GPBP1: variants seen among roughly 807,000 people sequenced by gnomAD.
GPBP1 encodes the protein GC-rich promoter binding protein 1.
Under a neutral mutation model 56.5 loss-of-function variants are expected in GPBP1, and 13 were observed. The observed-to-expected ratio is 0.23, with a 90% CI of 0.15 to 0.37. The LOEUF is 0.37. GPBP1 is among the 10% of genes least tolerant of loss of function. GPBP1 has a pLI of 1.00. For missense variants in GPBP1, 477 were observed against 572.3 expected (o/e 0.83, Z 1.70); for synonymous variants, 204 against 188.9 (o/e 1.08, Z -0.66).
At chr5:57,179,871 A>G (rs1335476377) in intron 2 of GPBP1, among the ~76,000 whole-genome samples, 1 of 152,128 alleles carries the variant, frequency 6.6e-6, no homozygotes, top group Non-Finnish European at 1.5e-5. Flanking sequence ...TGCTGGGATT[A>G]TGGGTGAGAG....
intron 5 of GPBP1, among the ~76,000 whole-genome samples, chr5:57,234,649 C>T (rs1354521084): frequency 1.3e-5 from 2 of 152,184 alleles, no homozygotes; most frequent in Non-Finnish European, 2.9e-5. Flanking sequence ...AGAAGTTTCT[C>T]CAGCTAAAGT....
chr5:57,241,517 A>G (rs994309701), intron 6 of GPBP1, among the ~76,000 whole-genome samples: 2 of 152,130 alleles, frequency 1.3e-5, no homozygotes, highest in Non-Finnish European at 2.9e-5. Flanking sequence ...GTTGAAGCCA[A>G]GAGTTTGAGA....
intron 6 of GPBP1, chr5:57,237,295 A>G: frequency 1.4e-6 from 1 of 738,774 alleles, no homozygotes; most frequent in South Asian, 1.6e-5. Flanking sequence ...GATTAGAATG[A>G]AAGTTTTAAA....
chr5:57,178,914 C>T (rs1348339452), intron 2 of GPBP1, among the ~76,000 whole-genome samples: 2 of 152,114 alleles, frequency 1.3e-5, no homozygotes, highest in Non-Finnish European at 2.9e-5. Context: ...ATCATAGTGG[C>T]TAACATTTAT....
At chr5:57,229,859 C>A (rs2111846558) in intron 3 of GPBP1, among the ~76,000 whole-genome samples, 1 of 151,280 alleles carries the variant, frequency 6.6e-6, no homozygotes, top group East Asian at 2.0e-4. Flanking sequence ...ATTTATTGAT[C>A]ATTTTCATGC....
In GPBP1 at chr5:57,219,424, A is replaced by AG. The variant is rs1561348528; in HGVS notation, c.63+5231_63+5232insG. On this transcript the variant is annotated intron_variant, in intron 3 of 11. Coordinates refer to ENST00000506184, the MANE Select transcript of GPBP1 (RefSeq NM_022913.4). ...AAAAACCAAAAACAAACAAACAAAA[A>AG]AAAAAACAACAAAACCACACACACA... 1.4e-5 allele frequency among the ~76,000 whole-genome samples: 2 copies of AG among 142,592 alleles called. 1 individual carries two copies. Among genetic ancestry groups the AG allele is most frequent in the African/African-American group, 5.8e-5 (2 of 34,714 alleles). The allele number at this position is 142,592 out of a possible 152,430, so 93.5% of individuals were successfully genotyped here.
intron 3 of GPBP1, among the ~76,000 whole-genome samples, chr5:57,226,924 A>T (rs753971771): frequency 7.2e-5 from 11 of 151,986 alleles, no homozygotes; most frequent in Non-Finnish European, 1.2e-4. Flanking sequence ...TATTTTTAGT[A>T]GAGACGGGGT....
chr5:57,232,075 G>A (rs1756484691), intron 5 of GPBP1, among the ~76,000 whole-genome samples: 1 of 152,122 alleles, frequency 6.6e-6, no homozygotes, highest in Admixed American at 6.5e-5. Context: ...CTAGGCTGGA[G>A]TTCATAGCTC....
chr5:57,264,104 A>G lies in GPBP1; in HGVS notation c.*1352A>G, dbSNP rs1023498616. The G allele has an allele frequency of 2.0e-4, 31 of 152,056 alleles. No homozygotes were observed. Among genetic ancestry groups the G allele is most frequent in the African/African-American group, 7.0e-4 (29 of 41,408 alleles). The allele number at this position is 152,056 out of a possible 1,614,324, so 9.4% of individuals were successfully genotyped here. The stretch of plus-strand genomic sequence containing the variant: ...CTGGACTCCCCAGTTTTCACCAGAA[A>G]CTGTTATTTTTTTTTGTTGTTGTTC... On this transcript the variant is annotated 3_prime_UTR_variant, in exon 12 of 12. Coordinates refer to ENST00000506184, the MANE Select transcript of GPBP1 (RefSeq NM_022913.4).
At chr5:57,221,854 C>T (rs150623160) in intron 3 of GPBP1, among the ~76,000 whole-genome samples, 2 of 152,224 alleles carry the variant, frequency 1.3e-5, no homozygotes, top group Non-Finnish European at 2.9e-5. Context: ...GACTGCTAGT[C>T]GAGTTCATTG....
At chr5:57,201,706 G>A (rs1170428571) in intron 2 of GPBP1, among the ~76,000 whole-genome samples, 1 of 152,180 alleles carries the variant, frequency 6.6e-6, no homozygotes, top group Admixed American at 6.5e-5. Flanking sequence ...CATGGATATT[G>A]TAGTGCAATG....
intron 3 of GPBP1, among the ~76,000 whole-genome samples, chr5:57,223,777 AATT>A (rs1325625352): frequency 5.4e-5 from 8 of 149,112 alleles, no homozygotes; most frequent in Non-Finnish European, 1.0e-4. Flanking sequence ...TATATTTTAA[AATT>A]ATATATATAA....
chr5:57,186,389 A>AG (rs141185160), intron 2 of GPBP1, among the ~76,000 whole-genome samples: 3 of 56,778 alleles, frequency 5.3e-5, no homozygotes, highest in South Asian at 5.4e-4. Context: ...TTGCCTCTTT[A>AG]AAAAAAAAAA....
At chr5:57,179,628 G>A (rs934233438) in intron 2 of GPBP1, among the ~76,000 whole-genome samples, 29 of 151,844 alleles carry the variant, frequency 1.9e-4, no homozygotes, top group Non-Finnish European at 2.9e-5. Flanking sequence ...ACAGAGTTTC[G>A]CAGTTGTTGC....
intron 6 of GPBP1, among the ~76,000 whole-genome samples, chr5:57,243,355 G>A (rs1368121875): frequency 1.3e-5 from 2 of 151,964 alleles, no homozygotes; most frequent in Non-Finnish European, 2.9e-5. Context: ...ATGAGGCACC[G>A]TGCCTGGCCT....
rs560380918 is a variant in GPBP1 at position 57,247,455 on chromosome 5, G to A, written c.804+240G>A. ...CTATAATCCCAACATTTTGGGAAGT[G>A]GGACAGGAGGATCACTTGAGCCCAG... On this transcript the variant is annotated intron_variant, in intron 8 of 11. Coordinates refer to ENST00000506184, the MANE Select transcript of GPBP1 (RefSeq NM_022913.4). Among the ~76,000 whole-genome samples the A allele has an allele frequency of 4.6e-4, 70 of 152,192 alleles. No individual in the cohort carries two copies. The South Asian group carries it at 0.013, about 28-fold the overall frequency.
At chr5:57,229,230 CAAAAAAAAAAAAAAAAAAAAAAAA>C (rs543005934) in intron 3 of GPBP1, among the ~76,000 whole-genome samples, 21 of 77,418 alleles carry the variant, frequency 2.7e-4, no homozygotes, top group Non-Finnish European at 3.4e-4. Context: ...GACTCCATCT[CAAAAAAAAAAAAAAAAAAAAAAAA>C]AAAAAAAAAA....
At chr5:57,199,630 G>T (rs1384968561) in intron 2 of GPBP1, among the ~76,000 whole-genome samples, 1 of 151,916 alleles carries the variant, frequency 6.6e-6, no homozygotes, top group Non-Finnish European at 1.5e-5. Context: ...GTGCCACGTT[G>T]GTGTGCTGCA....
chr5:57,262,079 G>T (rs994179945), intron 11 of GPBP1, among the ~76,000 whole-genome samples: 2 of 151,988 alleles, frequency 1.3e-5, no homozygotes, highest in Non-Finnish European at 2.9e-5. Context: ...TCTAATTTGG[G>T]CCAACTATCT....
Sources: allele counts gnomAD v4.1 joint callset (sites outside exome capture counted in the v4.1 genomes callset), GRCh38; gene constraint gnomAD v4.1.1; transcripts MANE v1.5; gene names NCBI Gene and HGNC (gene_info 2026-07-23, HGNC 2026-07-21).